GAS2: variants seen among roughly 807,000 people sequenced by gnomAD.
The protein encoded by GAS2 is growth arrest specific 2.
A neutral mutation model predicts 37.5 loss-of-function variants in GAS2; 20 were observed. The ratio of observed to expected loss-of-function variants is 0.53; its 90% CI spans 0.37 to 0.77. The LOEUF is 0.77. Ranked by LOEUF, GAS2 falls within the 30% of genes least tolerant of loss-of-function variation. The probability of loss-of-function intolerance (pLI) is 0.00; values close to 1 mark genes in which losing one functional copy is unlikely to be tolerated. For synonymous variants in GAS2, 144 were observed against 132.2 expected (o/e 1.09, Z -0.61); for missense variants, 336 against 373.4 (o/e 0.90, Z 0.82).
At chr11:22,789,326 AC>A (rs1855992145) in intron 7 of GAS2, among the ~76,000 whole-genome samples, 2 of 129,408 alleles carry the variant, frequency 1.5e-5, no homozygotes, top group African/African-American at 6.1e-5. Context: ...ACACACACAC[AC>A]ACACAAACAC....
intron 7 of GAS2, among the ~76,000 whole-genome samples, chr11:22,781,752 T>TTTTGGA (rs200899676): frequency 0.018 from 2,739 of 152,142 alleles, 73 homozygotes; most frequent in African/African-American, 0.063. Context: ...AATATTATAT[T>TTTTGGA]TTTTGGAATT....
chr11:22,743,395 A>C (rs954838668), intron 5 of GAS2, among the ~76,000 whole-genome samples: 1 of 152,102 alleles, frequency 6.6e-6, no homozygotes, highest in African/African-American at 2.4e-5. Flanking sequence ...ACTTATCAAC[A>C]ATCTCAGATG....
intron 7 of GAS2, among the ~76,000 whole-genome samples, chr11:22,770,324 A>T (rs956044793): frequency 2.0e-5 from 3 of 152,194 alleles, no homozygotes; most frequent in African/African-American, 7.2e-5. Context: ...TTAAATAAAC[A>T]AATAAATAAA....
At chr11:22,781,595 C>T (rs1343902749) in intron 7 of GAS2, among the ~76,000 whole-genome samples, 1 of 152,060 alleles carries the variant, frequency 6.6e-6, no homozygotes, top group African/African-American at 2.4e-5. Context: ...AGATTAGTAA[C>T]CTCTTTAACA....
At chr11:22,681,905 A>G (rs948577951) in intron 2 of GAS2, among the ~76,000 whole-genome samples, 1 of 152,052 alleles carries the variant, frequency 6.6e-6, no homozygotes, top group Admixed American at 6.6e-5. Flanking sequence ...ATCCCCATAT[A>G]AAGATTATAA....
chr11:22,735,363 C>T (rs374891044), intron 4 of GAS2, among the ~76,000 whole-genome samples: 70 of 150,622 alleles, frequency 4.6e-4, no homozygotes, highest in African/African-American at 1.6e-3. Context: ...AATATTTACA[C>T]AAAGAAGTGA....
At chr11:22,677,735 G>A (rs1435940182) in intron 2 of GAS2, among the ~76,000 whole-genome samples, 2 of 152,110 alleles carry the variant, frequency 1.3e-5, no homozygotes, top group Non-Finnish European at 2.9e-5. Flanking sequence ...CAGGAGACCT[G>A]GCCTCTGGTT....
intron 7 of GAS2, among the ~76,000 whole-genome samples, chr11:22,793,156 C>T (rs762417687): frequency 6.6e-6 from 1 of 152,062 alleles, no homozygotes; most frequent in Non-Finnish European, 1.5e-5. Flanking sequence ...CACCTGTAAT[C>T]CCAGCTACTA....
chr11:22,675,050 AAC>A (rs750381271), intron 2 of GAS2, 36 bp downstream of exon 2: 7 of 1,603,234 alleles, frequency 4.4e-6, no homozygotes, highest in Non-Finnish European at 6.0e-6. Context: ...GAGCAAAGAC[AAC>A]AGTTTTTGTT....
In GAS2 at chr11:22,812,069, C is replaced by T; in HGVS notation, c.*53C>T. 1.6e-6 allele frequency: 2 copies of T among 1,279,236 alleles called. No homozygotes were observed. The highest frequency in any genetic ancestry group is 1.7e-5 in the Admixed American group (1 of 58,668). The allele number at this position is 1,279,236 out of a possible 1,614,324, so 79.2% of individuals were successfully genotyped here. A position where few individuals can be genotyped will look rare whatever the true frequency, so the allele number is the denominator to read the frequency against. On this transcript the variant is annotated 3_prime_UTR_variant, in exon 8 of 8. Transcript: ENST00000454584. ...TCATAATGGCCTGTATCCACTTCTC[C>T]AGTATAGTCAGTTTAGTTCATATGT...
chr11:22,773,634 C>T (rs753421970), intron 7 of GAS2, among the ~76,000 whole-genome samples: 2 of 152,002 alleles, frequency 1.3e-5, no homozygotes, highest in Non-Finnish European at 2.9e-5. Context: ...TTTAGAACAC[C>T]GTCAAGTCTT....
chr11:22,632,466 A>G (rs1858756931), intron 1 of GAS2, among the ~76,000 whole-genome samples: 1 of 151,826 alleles, frequency 6.6e-6, no homozygotes, highest in South Asian at 2.1e-4. Context: ...TGCTTTTTTC[A>G]CACTGCTCTT....
At chr11:22,654,385 C>T (rs1565068198) in intron 1 of GAS2, among the ~76,000 whole-genome samples, 1 of 150,732 alleles carries the variant, frequency 6.6e-6, no homozygotes, top group Admixed American at 6.6e-5. Context: ...CCCTCCCTCT[C>T]TTCCTTCTTT....
At chr11:22,781,983 G>A (rs1002196492) in intron 7 of GAS2, among the ~76,000 whole-genome samples, 2 of 152,292 alleles carry the variant, frequency 1.3e-5, no homozygotes, top group Non-Finnish European at 2.9e-5. Context: ...CTAATCAGTT[G>A]ATGGTCTGCA....
At chr11:22,785,821 A>T (rs1043438758) in intron 7 of GAS2, among the ~76,000 whole-genome samples, 11 of 151,038 alleles carry the variant, frequency 7.3e-5, no homozygotes, top group Admixed American at 2.6e-4. Context: ...AACTGTAAAC[A>T]TAGATAGCTG....
chr11:22,801,429 T>C (rs1055397435), intron 7 of GAS2, among the ~76,000 whole-genome samples: 1 of 149,256 alleles, frequency 6.7e-6, no homozygotes, highest in African/African-American at 2.5e-5. Flanking sequence ...AGAAACTTGA[T>C]TGGGGTGGGG....
chr11:22,711,892 C>T (rs1220228908), intron 3 of GAS2, among the ~76,000 whole-genome samples: 1 of 152,168 alleles, frequency 6.6e-6, no homozygotes, highest in Non-Finnish European at 1.5e-5. Flanking sequence ...CCTAACCCTG[C>T]CCCTACCTGA....
chr11:22,673,735 C>T (rs753847207), intron 1 of GAS2, among the ~76,000 whole-genome samples: 2 of 152,244 alleles, frequency 1.3e-5, no homozygotes, highest in African/African-American at 2.4e-5. Flanking sequence ...GGCGAAACCC[C>T]ATCTCTACTA....
intron 3 of GAS2, among the ~76,000 whole-genome samples, chr11:22,700,693 T>A (rs1375367656): frequency 6.6e-6 from 1 of 152,202 alleles, no homozygotes; most frequent in Non-Finnish European, 1.5e-5. Flanking sequence ...TGAGCATATT[T>A]ATATCCAATG....
Sources: gnomAD v4.1 joint callset for allele counts (sites outside exome capture counted in the v4.1 genomes callset) on GRCh38, gnomAD v4.1.1 for gene constraint, MANE v1.5 for transcripts, NCBI Gene and HGNC (gene_info 2026-07-23, HGNC 2026-07-21) for gene names.